Variants in ARPP21 observed in about 807,000 individuals in gnomAD.
The protein encoded by ARPP21 is cAMP-regulated phosphoprotein 21.
In ARPP21, 69 loss-of-function variants were observed where a neutral mutation model predicts 113.2. The ratio of observed to expected loss-of-function variants is 0.61; its 90% CI spans 0.50 to 0.74. ARPP21 has a LOEUF of 0.74. Among genes scored for constraint, ARPP21 ranks in the 30% least tolerant of loss-of-function variants. The pLI is 0.00. For synonymous variants in ARPP21, 368 were observed against 375.5 expected (o/e 0.98, Z 0.23); for missense variants, 1,070 against 1,037.4 (o/e 1.03, Z -0.43).
intron 19 of ARPP21, among the ~76,000 whole-genome samples, chr3:35,777,853 C>A (rs968924856): frequency 2.0e-5 from 3 of 152,082 alleles, no homozygotes; most frequent in Admixed American, 2.0e-4. Flanking sequence ...GATATTTAAA[C>A]AGTAACATTG....
intron 1 of ARPP21, among the ~76,000 whole-genome samples, chr3:35,673,642 T>G (rs1201623495): frequency 6.6e-6 from 1 of 152,032 alleles, no homozygotes; most frequent in South Asian, 2.1e-4. Flanking sequence ...TTATGGACAT[T>G]TCAAAAATCA....
intron 1 of ARPP21, among the ~76,000 whole-genome samples, chr3:35,644,776 A>T (rs1055651717): frequency 3.9e-5 from 6 of 152,060 alleles, no homozygotes; most frequent in Admixed American, 6.5e-5. Flanking sequence ...AGTCACCAGT[A>T]TAGATCCTGG....
chr3:35,719,419 G>A (rs1034114160), intron 13 of ARPP21, among the ~76,000 whole-genome samples: 3 of 152,194 alleles, frequency 2.0e-5, no homozygotes, highest in Non-Finnish European at 4.4e-5. Flanking sequence ...GGTAGAGGTA[G>A]AGAAGTTAAA....
chr3:35,770,600 A>C (rs983098673), intron 19 of ARPP21, among the ~76,000 whole-genome samples: 4 of 152,236 alleles, frequency 2.6e-5, no homozygotes, highest in African/African-American at 9.6e-5. Flanking sequence ...AAGTGAATGC[A>C]CTTGACTATG....
At chr3:35,667,841 A>AAAGAAG (rs757542723) in intron 1 of ARPP21, among the ~76,000 whole-genome samples, 1,285 of 81,478 alleles carry the variant, frequency 0.016, 62 homozygotes, top group Admixed American at 0.018. Flanking sequence ...TTTTATTCTC[A>AAAGAAG]AAGAAGAAGA....
At chr3:35,648,732 T>C (rs1266562677) in intron 1 of ARPP21, among the ~76,000 whole-genome samples, 1 of 152,178 alleles carries the variant, frequency 6.6e-6, no homozygotes, top group African/African-American at 2.4e-5. Context: ...ACAGATAGTA[T>C]TCAACACAGG....
intron 19 of ARPP21, chr3:35,774,893 T>A (rs921168979): frequency 2.0e-5 from 3 of 152,176 alleles, no homozygotes; most frequent in African/African-American, 7.2e-5. Flanking sequence ...AATGTCAGTG[T>A]CCTTGATCAA....
chr3:35,769,799 C>T (rs1412258146), intron 19 of ARPP21, among the ~76,000 whole-genome samples: 1 of 152,164 alleles, frequency 6.6e-6, no homozygotes, highest in Non-Finnish European at 1.5e-5. Flanking sequence ...TAACTAAAGC[C>T]ATACTATCTT....
At chr3:35,651,041 T>A (rs1314515797) in intron 1 of ARPP21, among the ~76,000 whole-genome samples, 1 of 151,996 alleles carries the variant, frequency 6.6e-6, no homozygotes, top group African/African-American at 2.4e-5. Context: ...CAGAAAAAAA[T>A]GATAAAATAT....
chr3:35,727,647 T>C (rs1367625132), intron 14 of ARPP21, among the ~76,000 whole-genome samples: 1 of 152,238 alleles, frequency 6.6e-6, no homozygotes, highest in Non-Finnish European at 1.5e-5. Flanking sequence ...AATAACATAA[T>C]CAATAGTGTA....
At chr3:35,793,614 T>C (rs2096790624) in intron 20 of ARPP21, 87 bp from the exon 21 acceptor site, 1 of 905,870 alleles carries the variant, frequency 1.1e-6, no homozygotes, top group Non-Finnish European at 1.8e-6. Flanking sequence ...ACTCAAAAGT[T>C]TGAATATTTT....
chr3:35,701,103 C>G (rs1439109401), intron 9 of ARPP21, among the ~76,000 whole-genome samples: 1 of 151,520 alleles, frequency 6.6e-6, no homozygotes, highest in Admixed American at 6.6e-5. Flanking sequence ...TCAATGGAAT[C>G]AATTTGGTGG....
At chr3:35,758,206 A>G (rs746198266) in intron 19 of ARPP21, among the ~76,000 whole-genome samples, 5 of 152,042 alleles carry the variant, frequency 3.3e-5, no homozygotes, top group Non-Finnish European at 7.4e-5. Flanking sequence ...GTAGAGAAAC[A>G]GCAATTACAA....
rs534121584 is a variant in ARPP21 at position 35,751,091 on chromosome 3, C to G, written c.2137+7126C>G. Among the ~76,000 whole-genome samples, 3 of 152,176 alleles carry G rather than the reference C, an allele frequency of 2.0e-5. No individual in the cohort carries two copies. The East Asian group carries it at 5.8e-4, about 29-fold the overall frequency. ...ATTCTTGAATGCCGTGAAGATAGAA[C>G]AATACGAAATCAAGACAGCTACATA... On this transcript the variant is annotated intron_variant, in intron 19 of 20. Transcript: ENST00000684406.
At chr3:35,779,170 TC>T (rs1378316205) in intron 19 of ARPP21, among the ~76,000 whole-genome samples, 1 of 152,154 alleles carries the variant, frequency 6.6e-6, no homozygotes, top group Non-Finnish European at 1.5e-5. Context: ...ATTAGGTAAG[TC>T]CACTTCACAT....
intron 13 of ARPP21, among the ~76,000 whole-genome samples, chr3:35,718,198 G>T (rs936759218): frequency 6.6e-6 from 1 of 152,040 alleles, no homozygotes; most frequent in Non-Finnish European, 1.5e-5. Context: ...AATAATTCTG[G>T]ACTTTAGAAC....
intron 19 of ARPP21, among the ~76,000 whole-genome samples, chr3:35,777,114 A>G (rs1429752147): frequency 6.6e-6 from 1 of 152,148 alleles, no homozygotes; most frequent in African/African-American, 2.4e-5. Context: ...AGTTCCAGGA[A>G]TAGTGTGTGT....
Position 35,739,331 on chromosome 3 carries a change from A to C in ARPP21, c.1764A>C (p.Ala588=), listed in dbSNP as rs2094530438. 1 of 1,614,030 alleles carries C rather than the reference A, an allele frequency of 6.2e-7. No homozygotes were observed. The highest frequency in any genetic ancestry group is 8.5e-7 in the Non-Finnish European group (1 of 1,179,952). Residue 588 remains alanine, a synonymous_variant, in exon 18 of 21, where the codon GCA becomes GCC. Transcript: ENST00000684406. ...ATGACTTGCAGAGAGATGATGTGGC[A>C]ACACAGTTTGGCCAGATGACCCTGA... The part of the protein sequence containing the change: ...TQHFPMRDDV[A]TQFGQMTLSR...
At chr3:35,715,091 G>C in intron 11 of ARPP21, 1 of 210,718 alleles carries the variant, frequency 4.7e-6, no homozygotes, top group South Asian at 9.0e-5. Flanking sequence ...TCTGTTGTTT[G>C]GTGGCTGCAG....
Sources: allele counts gnomAD v4.1 joint callset (sites outside exome capture counted in the v4.1 genomes callset), GRCh38; gene constraint gnomAD v4.1.1; transcripts MANE v1.5; gene names NCBI Gene and HGNC (gene_info 2026-07-23, HGNC 2026-07-21).